Variants in RALGAPA1 observed in about 807,000 individuals in gnomAD.
RALGAPA1 encodes Ral GTPase activating protein catalytic subunit alpha 1.
A neutral mutation model predicts 269.6 loss-of-function variants in RALGAPA1; 52 were observed. That is an observed-to-expected ratio of 0.19 (90% CI 0.15 to 0.24). The LOEUF (loss-of-function observed/expected upper bound fraction) is 0.24, where lower values mean the gene tolerates loss of function less well. Among genes scored for constraint, RALGAPA1 ranks in the 10% least tolerant of loss-of-function variants. RALGAPA1 has a pLI of 1.00. For missense variants in RALGAPA1, 1,917 were observed against 3,013.9 expected, an observed-to-expected ratio of 0.64 and a Z score of 8.52; for synonymous variants, 817 against 1,008.3, an observed-to-expected ratio of 0.81 and a Z score of 3.60.
intron 13 of RALGAPA1, among the ~76,000 whole-genome samples, chr14:35,725,592 T>C (rs758387602): frequency 9.9e-5 from 15 of 152,172 alleles, no homozygotes; most frequent in Non-Finnish European, 1.9e-4. Context: ...TTATAATATG[T>C]TGAGTAACTA....
rs190614992 is a variant in RALGAPA1, at chr14:35,627,704, T to C, written c.6243A>G (p.Ser2081=). 117 of 1,608,964 alleles carry C rather than the reference T, an allele frequency of 7.3e-5. No individual in the cohort carries two copies. In the East Asian group the frequency reaches 2.3e-3, roughly 32 times the overall value. ...AACCTCCTCCAGGCATATTCTCTTCTGATCTGATCTGGATACAGGACACTA... is the reference window on the plus strand; with the variant it reads ...AACCTCCTCCAGGCATATTCTCTTCCGATCTGATCTGGATACAGGACACTA... ...TTLVSCIQIR[S]EENMPGGGLS... is the part of the protein sequence containing the mutation. The change falls in exon 34 of 42, where the codon TCA becomes TCG. Residue 2081 remains serine, a synonymous_variant. Transcript: ENST00000680220.
rs995956919 is a variant in RALGAPA1, at chr14:35,763,789, T to C, written c.326-1036A>G. Among the ~76,000 whole-genome samples, 7 of 151,132 alleles carry C rather than the reference T, an allele frequency of 4.6e-5. No individual in the cohort carries two copies. The Admixed American group carries it at 4.6e-4, about 10-fold the overall frequency. Reference sequence around the variant, plus strand: ...TCCCCGGGGTGTGTATATATATATATATATAGAGAGAGAGAGAGAGAGGAA... The same window carrying C: ...TCCCCGGGGTGTGTATATATATATACATATAGAGAGAGAGAGAGAGAGGAA... On this transcript the variant is annotated intron_variant, in intron 4 of 41. Coordinates refer to ENST00000680220, the MANE Select transcript of RALGAPA1 (RefSeq NM_001346249.2).
chr14:35,574,955 C>T (rs976451744), intron 37 of RALGAPA1, among the ~76,000 whole-genome samples: 4 of 151,716 alleles, frequency 2.6e-5, no homozygotes, highest in South Asian at 2.1e-4. Context: ...TGGTGAAACC[C>T]CATCTCTACT....
At chr14:35,760,273 C>A (rs185336865) in intron 6 of RALGAPA1, among the ~76,000 whole-genome samples, 8 of 152,268 alleles carry the variant, frequency 5.3e-5, no homozygotes, top group Admixed American at 3.3e-4. Flanking sequence ...TAGCCAGTTC[C>A]TAGAGACAGT....
rs749992031 is a variant in RALGAPA1 at position 35,750,512 on chromosome 14, C to T, written c.981G>A (p.Met327Ile). 8 of 1,612,894 alleles carry T rather than the reference C, an allele frequency of 5.0e-6. No individual in the cohort carries two copies. Among genetic ancestry groups the T allele is most frequent in the Non-Finnish European group, 8.5e-7 (1 of 1,179,318 alleles). Reference protein sequence around the residue: ...KPHTGPHIPGMEGEVLPKNIQ... With the variant: ...KPHTGPHIPGIEGEVLPKNIQ... Reference sequence around the variant, plus strand: ...TATTCTTTGGCAAGACTTCACCTTCCATCCCAGGAATATGAGGTCCTGTAT... The same window carrying T: ...TATTCTTTGGCAAGACTTCACCTTCTATCCCAGGAATATGAGGTCCTGTAT... The change falls in exon 9 of 42, where the codon ATG becomes ATA. Residue 327 changes from methionine to isoleucine, a missense_variant. By Grantham distance (10) the Met-to-Ile change is conservative. This residue lies in a region of RALGAPA1 where 462 missense variants were observed against 725.6 expected (regional missense o/e 0.64). Coordinates refer to ENST00000680220, the MANE Select transcript of RALGAPA1 (RefSeq NM_001346249.2).
At chr14:35,568,618 T>C (rs770893115) in intron 39 of RALGAPA1, among the ~76,000 whole-genome samples, 6 of 152,154 alleles carry the variant, frequency 3.9e-5, no homozygotes, top group Non-Finnish European at 8.8e-5. Flanking sequence ...CCCCATAGTT[T>C]ATTCACATCT....
chr14:35,686,509 T>C (rs745442300), intron 19 of RALGAPA1, 33 bp downstream of exon 19: 2 of 1,562,644 alleles, frequency 1.3e-6, no homozygotes, highest in Admixed American at 1.9e-5. Flanking sequence ...TCTACCCTCC[T>C]CTATAAAACC....
At chr14:35,576,374 G>A (rs945713627) in intron 37 of RALGAPA1, among the ~76,000 whole-genome samples, 1 of 152,212 alleles carries the variant, frequency 6.6e-6, no homozygotes, top group Non-Finnish European at 1.5e-5. Flanking sequence ...TAGAACTAAA[G>A]AAGGGATTTC....
chr14:35,792,131 A>G (rs1310195164), intron 1 of RALGAPA1, among the ~76,000 whole-genome samples: 1 of 151,986 alleles, frequency 6.6e-6, no homozygotes, highest in African/African-American at 2.4e-5. Context: ...GGAAAGCCAT[A>G]GAGGGTTTTA....
rs554455677 is a variant in RALGAPA1, at chr14:35,725,987, C to T, written c.1737-834G>A. ...AAACCATAAAACTACCTTATTTACA[C>T]TGATACTTCAAAACTTGATTCAACC... On this transcript the variant is annotated intron_variant, in intron 13 of 41. Coordinates refer to ENST00000680220, the MANE Select transcript of RALGAPA1 (RefSeq NM_001346249.2). Among the ~76,000 whole-genome samples the T allele has an allele frequency of 2.0e-5, 3 of 152,336 alleles. No homozygotes were observed. In the South Asian group the frequency reaches 6.2e-4, roughly 32 times the overall value.
chr14:35,672,052 G>A (rs1037425876), intron 25 of RALGAPA1, among the ~76,000 whole-genome samples: 4 of 152,102 alleles, frequency 2.6e-5, no homozygotes, highest in African/African-American at 9.7e-5. Flanking sequence ...AATTTACTAT[G>A]AGGATACAGT....
chr14:35,709,045 TAG>T (rs1266680550), intron 16 of RALGAPA1, among the ~76,000 whole-genome samples: 1 of 151,856 alleles, frequency 6.6e-6, no homozygotes, highest in Non-Finnish European at 1.5e-5. Context: ...ATCATGGAGA[TAG>T]AGAGTAGAAG....
At chr14:35,781,209 T>C (rs1203017907) in intron 1 of RALGAPA1, among the ~76,000 whole-genome samples, 3 of 152,090 alleles carry the variant, frequency 2.0e-5, no homozygotes, top group Non-Finnish European at 4.4e-5. Flanking sequence ...ATAAAAATTA[T>C]AAGAGGATAC....
rs953398441 is a variant in RALGAPA1, at chr14:35,605,699, G to T, written c.6940C>A (p.His2314Asn). 1.9e-6 allele frequency: 3 copies of T among 1,607,700 alleles called. No homozygotes were observed. The highest frequency in any genetic ancestry group is 2.5e-6 in the Non-Finnish European group (3 of 1,178,306). Residue 2314 changes from histidine to asparagine, a missense_variant, in exon 36 of 42, where the codon CAC becomes AAC. Physicochemically the swap from His to Asn is moderately conservative, Grantham distance 68 (BLOSUM62 1). Coordinates refer to ENST00000680220, the MANE Select transcript of RALGAPA1 (RefSeq NM_001346249.2). ...NLDSRQCRET[H>N]KIAVFYVAEG... ...GCAACATAAAATACTGCAATCTTGT[G>T]TGTCTCTCGGCTATAAAACAAAAGA... is the stretch of plus-strand genomic sequence containing the variant.
chr14:35,719,962 C>T (rs899200056), intron 16 of RALGAPA1, among the ~76,000 whole-genome samples: 4 of 152,168 alleles, frequency 2.6e-5, no homozygotes, highest in Non-Finnish European at 5.9e-5. Flanking sequence ...GCATGTTGGT[C>T]AGGCTGGTCT....
intron 32 of RALGAPA1, 41 bp from the exon 33 acceptor site, chr14:35,634,798 T>A (rs760338086): frequency 5.9e-5 from 86 of 1,447,582 alleles, no homozygotes; most frequent in African/African-American, 4.4e-4. Context: ...ACTTAAAAAA[T>A]AAATAAATAA....
intron 16 of RALGAPA1, among the ~76,000 whole-genome samples, chr14:35,700,863 T>C (rs879739027): frequency 6.6e-6 from 1 of 152,228 alleles, no homozygotes; most frequent in Non-Finnish European, 1.5e-5. Context: ...ATGTCTAGTA[T>C]GTGTTTCTGG....
chr14:35,614,026 A>G (rs2060107242), intron 35 of RALGAPA1, among the ~76,000 whole-genome samples: 1 of 152,200 alleles, frequency 6.6e-6, no homozygotes, highest in African/African-American at 2.4e-5. Flanking sequence ...CAAACTCACA[A>G]GATTCCACTT....
At position 35,760,753 on chromosome 14, in the gene RALGAPA1, G is replaced by C. The variant is rs1349282006; in HGVS notation, c.547+76C>G. 3.8e-6 allele frequency: 4 copies of C among 1,066,172 alleles called. No homozygotes were observed. In the East Asian group the frequency reaches 9.7e-5, roughly 26 times the overall value. 66.0% of individuals were successfully genotyped at this position (1,066,172 alleles called of 1,614,324 possible). ...GGATTACCCAGTTAATGAATGCACA[G>C]ACATTTGAAAAAATACACTAAGAGA... is the stretch of plus-strand genomic sequence containing the variant. On this transcript the variant is annotated intron_variant, in intron 6 of 41. Transcript: ENST00000680220.
Sources: allele counts gnomAD v4.1 joint callset (sites outside exome capture counted in the v4.1 genomes callset), GRCh38; gene constraint gnomAD v4.1.1; regional missense constraint gnomAD v4.1.1; transcripts MANE v1.5; gene names NCBI Gene and HGNC (gene_info 2026-07-23, HGNC 2026-07-21).